Variants in AHRR observed in about 807,000 individuals in gnomAD.
AHRR encodes the protein ahR repressor.
AHRR carries 28 observed loss-of-function variants against 44.0 expected under a neutral mutation model. The ratio of observed to expected loss-of-function variants is 0.64; its 90% CI spans 0.47 to 0.87. The LOEUF (loss-of-function observed/expected upper bound fraction) is 0.87. Ranked by LOEUF, AHRR falls within the 40% of genes least tolerant of loss-of-function variation. AHRR has a pLI of 0.00. For missense variants in AHRR, 990 were observed against 953.9 expected, an observed-to-expected ratio of 1.04 and a Z score of -0.50; for synonymous variants, 434 against 407.0, an observed-to-expected ratio of 1.07 and a Z score of -0.80.
At chr5:349,155 CTTG>C (rs2126383780) in intron 2 of AHRR, among the ~76,000 whole-genome samples, 1 of 152,304 alleles carries the variant, frequency 6.6e-6, no homozygotes, top group Non-Finnish European at 1.5e-5. Flanking sequence ...TTCTTATTGT[CTTG>C]TTTTCTTACT....
rs553748816 is a variant in AHRR, at chr5:353,916, G to A, written c.244+5G>A. On this transcript the variant is annotated splice_donor_5th_base_variant and intron_variant, in intron 3 of 10. Transcript: ENST00000684583. ...GGGTGAAGAGCTTCTTCCAAGGTAG[G>A]ACTCTCACCTGCTCCCACCTGTTCA... 1.6e-5 allele frequency: 26 copies of A among 1,611,100 alleles called. No individual in the cohort carries two copies. In the African/African-American group the frequency reaches 2.9e-4, roughly 18 times the overall value.
At chr5:425,060 C>T (rs1736323031) in intron 7 of AHRR, among the ~76,000 whole-genome samples, 2 of 152,270 alleles carry the variant, frequency 1.3e-5, no homozygotes, top group African/African-American at 4.8e-5. Flanking sequence ...CCACAAGGCC[C>T]TCTGACTCCA....
intron 4 of AHRR, 146 bp from the exon 5 acceptor site, chr5:413,194 TAATA>T (rs2075017119): frequency 1.9e-6 from 1 of 523,916 alleles, no homozygotes; most frequent in Non-Finnish European, 3.3e-6. Context: ...GACAAAATGG[TAATA>T]AATAAAAAGT....
chr5:426,078 A>C (rs1407519158), intron 7 of AHRR, among the ~76,000 whole-genome samples: 1 of 152,216 alleles, frequency 6.6e-6, no homozygotes, highest in Non-Finnish European at 1.5e-5. Flanking sequence ...CATATCTGGG[A>C]ATTTTTCCCC....
intron 3 of AHRR, 135 bp from the exon 4 acceptor site, chr5:376,475 G>T: frequency 1.5e-4 from 3 of 20,326 alleles, no homozygotes; most frequent in Admixed American, 3.7e-3. Flanking sequence ...CCTGCAGAGG[G>T]GTCAGTGCAG....
rs1425685383 is a variant in AHRR at position 405,597 on chromosome 5, C to G, written c.352-7747C>G. 6.6e-6 allele frequency among the ~76,000 whole-genome samples: 1 copy of G among 152,188 alleles called. No homozygotes were observed. The highest frequency in any genetic ancestry group is 1.5e-5 in the Non-Finnish European group (1 of 68,038). On this transcript the variant is annotated intron_variant, in intron 4 of 10. Coordinates refer to ENST00000684583, the MANE Select transcript of AHRR (RefSeq NM_001377236.1). This position sits in a 1 kb window ranked among gnomAD's most constrained non-coding sequence, Gnocchi z 4.5. ...AAGTCATCACCTGGCGCCTGCACCT[C>G]TGTATCCAGAACCAAGTGGGCGGCA...
chr5:335,227 G>C (rs902378952), intron 1 of AHRR, among the ~76,000 whole-genome samples: 1 of 152,186 alleles, frequency 6.6e-6, no homozygotes, highest in Non-Finnish European at 1.5e-5. Flanking sequence ...ATGCGAGTGA[G>C]CAGGCTTCCT....
Position 404,058 on chromosome 5 carries a change from A to G in AHRR, c.352-9286A>G, listed in dbSNP as rs1735150812. 3 of 702,760 alleles carry G rather than the reference A, an allele frequency of 4.3e-6. No individual in the cohort carries two copies. The highest frequency in any genetic ancestry group is 1.8e-5 in the African/African-American group (1 of 56,296). The allele number at this position is 702,760 out of a possible 1,614,324, so 43.5% of individuals were successfully genotyped here. ...TCTGTTTAGTCTTTGCATCCAAATCATGTTGTCCAGCGTTTGAAGAAAAAG... is the reference window on the plus strand; with the variant it reads ...TCTGTTTAGTCTTTGCATCCAAATCGTGTTGTCCAGCGTTTGAAGAAAAAG... On this transcript the variant is annotated intron_variant, in intron 4 of 10. Coordinates refer to ENST00000684583, the MANE Select transcript of AHRR (RefSeq NM_001377236.1). This position sits in a 1 kb window ranked among gnomAD's most constrained non-coding sequence, Gnocchi z 4.1.
In AHRR at chr5:395,620, G is replaced by A. The variant is rs1734669675; in HGVS notation, c.352-17724G>A. Among the ~76,000 whole-genome samples the A allele has an allele frequency of 1.3e-5, 2 of 152,248 alleles. No individual in the cohort carries two copies. The highest frequency in any genetic ancestry group is 4.1e-4 in the South Asian group (2 of 4,830). Reference sequence around the variant, plus strand: ...AGCCTTGCGTGTCTGGAAGCCCCAAGCCGCTCGGCAGACGGTCATCGGGCC... The same window carrying A: ...AGCCTTGCGTGTCTGGAAGCCCCAAACCGCTCGGCAGACGGTCATCGGGCC... On this transcript the variant is annotated intron_variant, in intron 4 of 10. Coordinates refer to ENST00000684583, the MANE Select transcript of AHRR (RefSeq NM_001377236.1). This position sits in a 1 kb window ranked among gnomAD's most constrained non-coding sequence, Gnocchi z 5.3.
At position 342,241 on chromosome 5, in the gene AHRR, T is replaced by A. The variant is rs1027866363; in HGVS notation, c.-10-1652T>A. ...ATTCTGTATCCTTACTGATTTTATT[T>A]ACTTGTTCTATTGATCACTGAGATA... On this transcript the variant is annotated intron_variant, in intron 1 of 10. Transcript: ENST00000684583. The surrounding 1 kb of genome is among the most constrained non-coding windows in gnomAD (Gnocchi z 4.3). Among the ~76,000 whole-genome samples, 3 of 152,252 alleles carry A rather than the reference T, an allele frequency of 2.0e-5. No homozygotes were observed. Among genetic ancestry groups the A allele is most frequent in the Admixed American group, 6.5e-5 (1 of 15,294 alleles).
chr5:397,240 C>T (rs1418435110), intron 4 of AHRR, among the ~76,000 whole-genome samples: 7 of 93,112 alleles, frequency 7.5e-5, no homozygotes, highest in Admixed American at 1.1e-4. Context: ...TGACCATCCA[C>T]GTAGCCCCTG....
At chr5:398,058 T>C (rs1380101733) in intron 4 of AHRR, among the ~76,000 whole-genome samples, 1 of 126,960 alleles carries the variant, frequency 7.9e-6, no homozygotes, top group Non-Finnish European at 1.6e-5. Context: ...CCCCTGACCA[T>C]CCACGTAGCT....
intron 4 of AHRR, among the ~76,000 whole-genome samples, chr5:382,620 C>T (rs1734029616): frequency 6.6e-6 from 1 of 151,532 alleles, no homozygotes; most frequent in African/African-American, 2.4e-5. Flanking sequence ...TTTCTGTTTC[C>T]AATTTTATTG....
chr5:325,643 C>G (rs1003793822), intron 1 of AHRR, among the ~76,000 whole-genome samples: 7 of 152,196 alleles, frequency 4.6e-5, no homozygotes, highest in African/African-American at 1.7e-4. Flanking sequence ...TCCGCACCAC[C>G]TCCACCCACC....
chr5:421,549 C>T (rs762845082), intron 5 of AHRR, among the ~76,000 whole-genome samples: 12 of 152,220 alleles, frequency 7.9e-5, no homozygotes, highest in African/African-American at 1.7e-4. Flanking sequence ...CCTAGGTTAC[C>T]CTCCAGTTAC....
intron 2 of AHRR, among the ~76,000 whole-genome samples, chr5:345,736 G>C (rs985619611): frequency 2.0e-5 from 3 of 152,034 alleles, no homozygotes; most frequent in Non-Finnish European, 4.4e-5. Flanking sequence ...GCGCCTGGAC[G>C]TGTCAAATGC....
intron 1 of AHRR, among the ~76,000 whole-genome samples, chr5:322,160 G>A (rs1488116426): frequency 6.6e-6 from 1 of 152,134 alleles, no homozygotes; most frequent in Non-Finnish European, 1.5e-5. Context: ...GCGGAGCGGG[G>A]CCCCGCTGTC....
In AHRR at chr5:411,862, C is replaced by CCTCACCCCCAG. The variant is rs1735478132; in HGVS notation, c.352-1479_352-1469dup. ...AAGCTGTGTCCAGGTGACTCAGCCC[C>CCTCACCCCCAG]CTCACCCCCAGCTTCTACCTCGTGT... On this transcript the variant is annotated intron_variant, in intron 4 of 10. Transcript: ENST00000684583. The surrounding 1 kb of genome is among the most constrained non-coding windows in gnomAD (Gnocchi z 4.2). Among the ~76,000 whole-genome samples the CCTCACCCCCAG allele has an allele frequency of 6.6e-6, 1 of 152,184 alleles. No homozygotes were observed. Among genetic ancestry groups the CCTCACCCCCAG allele is most frequent in the Non-Finnish European group, 1.5e-5 (1 of 68,044 alleles).
chr5:359,880 G>T (rs1207550094), intron 3 of AHRR, among the ~76,000 whole-genome samples: 7 of 152,168 alleles, frequency 4.6e-5, no homozygotes, highest in African/African-American at 4.8e-5. Flanking sequence ...CAGGTCAAAA[G>T]TTCCATGCTC....
Sources: allele counts gnomAD v4.1 joint callset (sites outside exome capture counted in the v4.1 genomes callset), GRCh38; gene constraint gnomAD v4.1.1; non-coding constraint Gnocchi (gnomAD v3.1); transcripts MANE v1.5; gene names NCBI Gene and HGNC (gene_info 2026-07-23, HGNC 2026-07-21).